The following ZNF710 variants were observed in gnomAD, a reference collection of about 807,000 sequenced individuals.
ZNF710 encodes zinc finger protein 710.
ZNF710 carries 13 observed loss-of-function variants against 50.6 expected under a neutral mutation model. The observed-to-expected ratio is 0.26, with a 90% CI of 0.17 to 0.41. ZNF710 has a LOEUF of 0.41. Ranked by LOEUF, ZNF710 falls within the 10% of genes least tolerant of loss-of-function variation. The probability of loss-of-function intolerance (pLI) is 1.00; values close to 1 mark genes in which losing one functional copy is unlikely to be tolerated. For synonymous variants in ZNF710, 383 were observed against 397.0 expected (o/e 0.96, Z 0.42); for missense variants, 721 against 936.6 (o/e 0.77, Z 3.01).
intron 1 of ZNF710, among the ~76,000 whole-genome samples, chr15:90,001,877 C>A (rs1019289774): frequency 9.7e-5 from 2 of 20,624 alleles, no homozygotes; most frequent in African/African-American, 4.0e-4. Context: ...GAGATGGCGT[C>A]TGGGGTGGGG....
At chr15:90,049,340 C>A (rs766805376) in intron 1 of ZNF710, among the ~76,000 whole-genome samples, 4 of 152,140 alleles carry the variant, frequency 2.6e-5, no homozygotes, top group African/African-American at 4.8e-5. Context: ...GCTGAGGGGC[C>A]CCACCCTACC....
At chr15:90,053,495 G>A (rs1899710888) in intron 1 of ZNF710, among the ~76,000 whole-genome samples, 2 of 152,012 alleles carry the variant, frequency 1.3e-5, no homozygotes, top group Admixed American at 6.5e-5. Context: ...CTACAGGCAC[G>A]TGCCATCATG....
chr15:90,005,837 G>A (rs1214988475), intron 1 of ZNF710, among the ~76,000 whole-genome samples: 1 of 152,212 alleles, frequency 6.6e-6, no homozygotes, highest in East Asian at 1.9e-4. Flanking sequence ...CGTGCTTTGT[G>A]TATTTGTCTC....
At position 90,079,914 on chromosome 15, in the gene ZNF710, C is replaced by A. The variant is rs529883506; in HGVS notation, c.*85C>A. The stretch of plus-strand genomic sequence containing the variant: ...GGCTGCAGGCTGCACCTCCTGCAGC[C>A]GAGAAACAAGCTACTGCCCCACTGT... On this transcript the variant is annotated 3_prime_UTR_variant, in exon 5 of 5. Transcript: ENST00000268154. The A allele has an allele frequency of 4.5e-6, 6 of 1,323,672 alleles. No homozygotes were observed. The African/African-American group carries it at 9.1e-5, about 20-fold the overall frequency. 82.0% of individuals were successfully genotyped at this position (1,323,672 alleles called of 1,614,324 possible).
At chr15:90,021,591 C>T (rs1264212550) in intron 1 of ZNF710, among the ~76,000 whole-genome samples, 2 of 152,190 alleles carry the variant, frequency 1.3e-5, no homozygotes, top group Non-Finnish European at 2.9e-5. Flanking sequence ...TACCAACTAC[C>T]TACCATGTGT....
intron 1 of ZNF710, among the ~76,000 whole-genome samples, chr15:90,053,295 A>G (rs530757075): frequency 6.6e-6 from 1 of 151,552 alleles, no homozygotes; most frequent in South Asian, 2.1e-4. Flanking sequence ...TAGGGCCTGA[A>G]GAGGCAGCAT....
rs1898198571 is a variant in ZNF710 at position 90,008,429 on chromosome 15, T to TATATATATAC, written c.-29+6824_-29+6825insCATATATATA. On this transcript the variant is annotated intron_variant, in intron 1 of 4. Coordinates refer to ENST00000268154, the MANE Select transcript of ZNF710 (RefSeq NM_198526.4). ...GTATACGTGTGTGTGTGTGTGTGTA[T>TATATATATAC]ATATATATATACATATATATATATG... is the stretch of plus-strand genomic sequence containing the variant. Among the ~76,000 whole-genome samples, 359 of 138,252 alleles carry TATATATATAC rather than the reference T, an allele frequency of 2.6e-3. 6 individuals are homozygous for TATATATATAC. The highest frequency in any genetic ancestry group is 0.01 in the African/African-American group (334 of 32,350). 90.7% of individuals were successfully genotyped at this position (138,252 alleles called of 152,430 possible).
chr15:90,067,035 T>TTGTCTGTGCTGTGTCTGTTGTC lies in ZNF710; in HGVS notation c.-28-65_-28-44dup. 6.8e-7 allele frequency: 1 copy of TTGTCTGTGCTGTGTCTGTTGTC among 1,471,852 alleles called. No homozygotes were observed. Among genetic ancestry groups the TTGTCTGTGCTGTGTCTGTTGTC allele is most frequent in the Non-Finnish European group, 9.0e-7 (1 of 1,110,000 alleles). 91.2% of individuals were successfully genotyped at this position (1,471,852 alleles called of 1,614,324 possible). ...GACACACCCAAAATCAGCCAAGCCC[T>TTGTCTGTGCTGTGTCTGTTGTC]TGTCTGTGCTGTGTCTGTTGTCTGT... On this transcript the variant is annotated intron_variant, in intron 1 of 4. Transcript: ENST00000268154. The surrounding 1 kb of genome is among the most constrained non-coding windows in gnomAD (Gnocchi z 8.1).
intron 1 of ZNF710, chr15:90,025,484 T>G (rs1311276384): frequency 2.0e-5 from 3 of 152,212 alleles, no homozygotes; most frequent in Non-Finnish European, 4.4e-5. Flanking sequence ...AAGCTGGAAA[T>G]TACCAACACC....
At chr15:90,052,893 A>G (rs1299504776) in intron 1 of ZNF710, among the ~76,000 whole-genome samples, 1 of 152,240 alleles carries the variant, frequency 6.6e-6, no homozygotes, top group Non-Finnish European at 1.5e-5. Flanking sequence ...AGATGGCGCC[A>G]CTGCACCCCA....
At chr15:90,003,750 G>A (rs991920998) in intron 1 of ZNF710, among the ~76,000 whole-genome samples, 9 of 152,108 alleles carry the variant, frequency 5.9e-5, no homozygotes, top group African/African-American at 2.2e-4. Context: ...TTTATTAGCT[G>A]ACCCTCAGGC....
rs1899923833 is a variant in ZNF710, at chr15:90,059,080, C to A, written c.-28-8030C>A. 6.6e-6 allele frequency among the ~76,000 whole-genome samples: 1 copy of A among 152,252 alleles called. No individual in the cohort carries two copies. Among genetic ancestry groups the A allele is most frequent in the African/African-American group, 2.4e-5 (1 of 41,468 alleles). Reference sequence around the variant, plus strand: ...AGATGACGCATATGATTTACCACGACAGTGATGGTCTCAGGCTGAGAGAGG... The same window carrying A: ...AGATGACGCATATGATTTACCACGAAAGTGATGGTCTCAGGCTGAGAGAGG... On this transcript the variant is annotated intron_variant, in intron 1 of 4. Transcript: ENST00000268154. This position sits in a 1 kb window ranked among gnomAD's most constrained non-coding sequence, Gnocchi z 4.1.
At chr15:90,032,801 G>T (rs1346794542) in intron 1 of ZNF710, among the ~76,000 whole-genome samples, 2 of 149,822 alleles carry the variant, frequency 1.3e-5, no homozygotes, top group African/African-American at 4.9e-5. Context: ...AAAAGAATGT[G>T]TGTTTGGCCT....
intron 1 of ZNF710, among the ~76,000 whole-genome samples, chr15:90,020,746 C>T (rs1898592132): frequency 6.6e-6 from 1 of 152,188 alleles, no homozygotes; most frequent in Non-Finnish European, 1.5e-5. Context: ...CATTTTAGCC[C>T]CGTTATCTGT....
intron 1 of ZNF710, among the ~76,000 whole-genome samples, chr15:90,023,393 T>C (rs996405843): frequency 2.0e-5 from 3 of 152,194 alleles, no homozygotes; most frequent in South Asian, 2.1e-4. Flanking sequence ...CAGCCCTTCT[T>C]TGGGTAGCAC....
intron 1 of ZNF710, among the ~76,000 whole-genome samples, chr15:90,012,797 A>T (rs1898348695): frequency 6.6e-6 from 1 of 151,994 alleles, no homozygotes; most frequent in Non-Finnish European, 1.5e-5. Context: ...GTTATTTTTG[A>T]TGCTCATCCA....
intron 1 of ZNF710, among the ~76,000 whole-genome samples, chr15:90,026,266 C>CA (rs373675360): frequency 0.015 from 1,667 of 114,598 alleles, 20 homozygotes; most frequent in South Asian, 0.04. Flanking sequence ...ACAACAACAA[C>CA]AACAAAAAAA....
chr15:90,031,458 C>T (rs143432623), intron 1 of ZNF710, among the ~76,000 whole-genome samples: 1 of 152,304 alleles, frequency 6.6e-6, no homozygotes, highest in East Asian at 1.9e-4. Flanking sequence ...AAGCAGCGCT[C>T]TCATTTGTCC....
chr15:90,073,032 C>T (rs1330306230), intron 2 of ZNF710, 39 bp from the exon 3 acceptor site: 1 of 1,592,970 alleles, frequency 6.3e-7, no homozygotes, highest in South Asian at 1.1e-5. Flanking sequence ...AGAGGCTGTG[C>T]CCATTGTGTG....
Sources: allele counts gnomAD v4.1 joint callset (sites outside exome capture counted in the v4.1 genomes callset), GRCh38; gene constraint gnomAD v4.1.1; non-coding constraint Gnocchi (gnomAD v3.1); transcripts MANE v1.5; gene names NCBI Gene and HGNC (gene_info 2026-07-23, HGNC 2026-07-21).